MTOR: variants seen among roughly 807,000 people sequenced by gnomAD.
The protein encoded by MTOR is mechanistic target of rapamycin kinase.
Under a neutral mutation model 319.8 loss-of-function variants are expected in MTOR, and 70 were observed. The ratio of observed to expected loss-of-function variants is 0.22; its 90% confidence interval spans 0.18 to 0.27. The LOEUF (loss-of-function observed/expected upper bound fraction) is 0.27. Among genes scored for constraint, MTOR ranks in the 10% least tolerant of loss-of-function variants. The probability of loss-of-function intolerance (pLI) is 1.00; values close to 1 mark genes in which losing one functional copy is unlikely to be tolerated. For missense variants in MTOR, 1,890 were observed against 3,274.4 expected (o/e 0.58, Z 10.32); for synonymous variants, 1,183 against 1,211.4 (o/e 0.98, Z 0.49).
intron 6 of MTOR, among the ~76,000 whole-genome samples, chr1:11,249,996 C>T (rs1416779055): frequency 2.7e-5 from 4 of 149,352 alleles, no homozygotes; most frequent in South Asian, 2.2e-4. Flanking sequence ...CAGGGGCGGC[C>T]GGGCAGAGGC....
intron 49 of MTOR, 110 bp from the exon 50 acceptor site, chr1:11,117,196 T>A: frequency 1.1e-6 from 1 of 874,848 alleles, no homozygotes; most frequent in Non-Finnish European, 1.7e-6. Flanking sequence ...AGTCTCGCTC[T>A]GTCGCCCAGG....
At chr1:11,148,100 T>C (rs972368665) in intron 31 of MTOR, among the ~76,000 whole-genome samples, 5 of 152,094 alleles carry the variant, frequency 3.3e-5, no homozygotes, top group South Asian at 2.1e-4. Context: ...CAAAAGGAGA[T>C]AGACAACTGT....
intron 29 of MTOR, among the ~76,000 whole-genome samples, chr1:11,163,591 C>A (rs1394833797): frequency 6.6e-6 from 1 of 152,230 alleles, no homozygotes; most frequent in Non-Finnish European, 1.5e-5. Flanking sequence ...GTCTCTCAGA[C>A]CACAGTGCAA....
chr1:11,191,477 G>A (rs980756912), intron 28 of MTOR, among the ~76,000 whole-genome samples: 1 of 152,120 alleles, frequency 6.6e-6, no homozygotes, highest in African/African-American at 2.4e-5. Context: ...ACCAAGAAAA[G>A]CACCCCGAGA....
In MTOR at chr1:11,129,640, G is replaced by C. The variant is rs760461470; in HGVS notation, c.5714+98C>G. On this transcript the variant is annotated intron_variant, in intron 40 of 57. Transcript: ENST00000361445. The surrounding 1 kb of genome is among the most constrained non-coding windows in gnomAD (Gnocchi z 4.7). Reference sequence around the variant, plus strand: ...CACATACATCGATCTTGGGTGTCCTGATCAGGGTCAGGAAGGGAAAGAGGA... The same window carrying C: ...CACATACATCGATCTTGGGTGTCCTCATCAGGGTCAGGAAGGGAAAGAGGA... 3.5e-5 allele frequency: 38 copies of C among 1,075,468 alleles called. No homozygotes were observed. The highest frequency in any genetic ancestry group is 5.0e-5 in the Non-Finnish European group (36 of 718,310). The allele number at this position is 1,075,468 out of a possible 1,614,324, so 66.6% of individuals were successfully genotyped here.
intron 28 of MTOR, chr1:11,195,265 G>C (rs976276081): frequency 9.1e-6 from 4 of 438,434 alleles, no homozygotes; most frequent in Non-Finnish European, 1.6e-5. Flanking sequence ...GTGGTAGACT[G>C]AGTGGGGTCT....
At chr1:11,213,036 T>C in intron 21 of MTOR, 128 bp from the exon 22 acceptor site, 1 of 689,086 alleles carries the variant, frequency 1.5e-6, no homozygotes, top group South Asian at 1.9e-5. Context: ...TAAATGGCCT[T>C]GAACTATATC....
At chr1:11,143,915 T>A (rs1643830736) in intron 34 of MTOR, 1 of 152,176 alleles carries the variant, frequency 6.6e-6, no homozygotes, top group Admixed American at 6.5e-5. Context: ...TAACTGGCCA[T>A]CCTTCCCAGA....
At chr1:11,131,728 G>A (rs1398997617) in intron 38 of MTOR, 2 of 152,250 alleles carry the variant, frequency 1.3e-5, no homozygotes, top group East Asian at 1.9e-4. Flanking sequence ...GGTTTAGCGA[G>A]TGTGAGGCAG....
rs142063530 is a variant in MTOR at position 11,147,638 on chromosome 1, T to C, written c.4571-847A>G. ...GACTCCTCAGGAAGCAATTTGTTTT[T>C]GAAAAATGTTCCGGATCTAGCCCAG... On this transcript the variant is annotated intron_variant, in intron 31 of 57. Coordinates refer to ENST00000361445, the MANE Select transcript of MTOR (RefSeq NM_004958.4). Among the ~76,000 whole-genome samples the C allele has an allele frequency of 1.4e-3, 210 of 152,340 alleles. 1 individual carries two copies. The East Asian group carries it at 0.016, about 11-fold the overall frequency.
intron 1 of MTOR, among the ~76,000 whole-genome samples, chr1:11,260,962 G>C (rs368343013): frequency 1.8e-4 from 27 of 151,296 alleles, no homozygotes; most frequent in African/African-American, 6.3e-4. Flanking sequence ...GCTAATTTTT[G>C]TGTGTTTTTA....
chr1:11,214,060 G>T lies in MTOR; in HGVS notation c.3118-494C>A, dbSNP rs148193853. On this transcript the variant is annotated intron_variant, in intron 20 of 57. Transcript: ENST00000361445. ...GTATCCCCAGAATCTATCAATCAGA[G>T]CATCTGGAATATTCTAGAATGAACA... 2.0e-4 allele frequency among the ~76,000 whole-genome samples: 30 copies of T among 152,306 alleles called. 1 individual carries two copies. Among genetic ancestry groups the T allele is most frequent in the African/African-American group, 5.5e-4 (23 of 41,558 alleles).
intron 28 of MTOR, among the ~76,000 whole-genome samples, chr1:11,185,131 T>G (rs1239281586): frequency 6.6e-6 from 1 of 152,200 alleles, no homozygotes; most frequent in African/African-American, 2.4e-5. Context: ...CATGTCACAC[T>G]GTCCAAGAGT....
At chr1:11,226,618 CA>C (rs1557447629) in intron 19 of MTOR, among the ~76,000 whole-genome samples, 2 of 151,770 alleles carry the variant, frequency 1.3e-5, no homozygotes, top group African/African-American at 4.8e-5. Context: ...TGGCGAAACC[CA>C]AAAAATCAGC....
intron 19 of MTOR, among the ~76,000 whole-genome samples, chr1:11,225,162 A>C (rs990530109): frequency 1.3e-5 from 2 of 152,204 alleles, no homozygotes; most frequent in Non-Finnish European, 2.9e-5. Flanking sequence ...ATTAAAAATC[A>C]ATGAATTTTA....
At chr1:11,151,904 C>T (rs1644158789) in intron 30 of MTOR, among the ~76,000 whole-genome samples, 1 of 152,140 alleles carries the variant, frequency 6.6e-6, no homozygotes, top group African/African-American at 2.4e-5. Context: ...GCCACAGGAC[C>T]AAGGATGTAG....
intron 30 of MTOR, among the ~76,000 whole-genome samples, chr1:11,154,446 A>T (rs1017364101): frequency 6.6e-6 from 1 of 152,094 alleles, no homozygotes; most frequent in East Asian, 1.9e-4. Flanking sequence ...AAAAAATAAA[A>T]ATAAATAAAA....
intron 29 of MTOR, among the ~76,000 whole-genome samples, chr1:11,160,395 C>T (rs548529738): frequency 7.9e-5 from 12 of 152,258 alleles, no homozygotes; most frequent in Admixed American, 2.0e-4. Context: ...CCACTGCGCC[C>T]GGCTGTATAG....
chr1:11,114,714 G>A (rs543098295), intron 52 of MTOR, 99 bp downstream of exon 52: 2 of 1,254,770 alleles, frequency 1.6e-6, no homozygotes, highest in South Asian at 2.6e-5. Flanking sequence ...AATCACAAAG[G>A]CACTTTGGAG....
Sources: gnomAD v4.1 joint callset for allele counts (sites outside exome capture counted in the v4.1 genomes callset) on GRCh38, gnomAD v4.1.1 for gene constraint, Gnocchi (gnomAD v3.1) non-coding constraint, MANE v1.5 for transcripts, NCBI Gene and HGNC (gene_info 2026-07-23, HGNC 2026-07-21) for gene names.